The following B3GAT2 variants were observed in gnomAD, a reference collection of about 807,000 sequenced individuals.
B3GAT2 encodes beta-1,3-glucuronyltransferase 2.
B3GAT2 carries 26 observed loss-of-function variants against 27.8 expected under a neutral mutation model. That is an observed-to-expected ratio of 0.93 (90% CI 0.68 to 1.30). The LOEUF is 1.30. B3GAT2 is among the 50% of genes most tolerant of loss of function. The probability of loss-of-function intolerance (pLI) is 0.00; values close to 1 mark genes in which losing one functional copy is unlikely to be tolerated. For synonymous variants in B3GAT2, 218 were observed against 195.1 expected, an observed-to-expected ratio of 1.12 and a Z score of -0.98; for missense variants, 458 against 459.0, an observed-to-expected ratio of 1.00 and a Z score of 0.02.
At chr6:70,944,587 G>C (rs547651999) in intron 1 of B3GAT2, among the ~76,000 whole-genome samples, 7 of 152,044 alleles carry the variant, frequency 4.6e-5, no homozygotes, top group South Asian at 2.1e-4. Flanking sequence ...CTGGGTGGAG[G>C]CCACCACAGC....
At chr6:70,884,114 CAAAA>C (rs1020654387) in intron 2 of B3GAT2, among the ~76,000 whole-genome samples, 1 of 119,596 alleles carries the variant, frequency 8.4e-6, no homozygotes, top group Non-Finnish European at 1.7e-5. Flanking sequence ...AAAAAAAAAA[CAAAA>C]AAAACCCGCA....
chr6:70,866,160 G>C (rs1442673079), intron 2 of B3GAT2, among the ~76,000 whole-genome samples: 1 of 152,156 alleles, frequency 6.6e-6, no homozygotes, highest in Non-Finnish European at 1.5e-5. Context: ...TCAATTACTG[G>C]AGGGGACTAG....
intron 1 of B3GAT2, among the ~76,000 whole-genome samples, chr6:70,921,960 G>A (rs905163955): frequency 3.9e-5 from 6 of 152,134 alleles, no homozygotes; most frequent in Admixed American, 3.3e-4. Context: ...TTAGAAAGCT[G>A]CTGCACTCTG....
intron 1 of B3GAT2, among the ~76,000 whole-genome samples, chr6:70,938,055 T>C (rs1765325734): frequency 6.6e-6 from 1 of 150,762 alleles, no homozygotes; most frequent in Non-Finnish European, 1.5e-5. Context: ...TTCAGCAAAG[T>C]CTCAGGATAC....
intron 2 of B3GAT2, among the ~76,000 whole-genome samples, chr6:70,892,514 G>A (rs986648434): frequency 1.2e-4 from 19 of 152,192 alleles, no homozygotes; most frequent in Non-Finnish European, 1.9e-4. Context: ...AAGGCTCTGG[G>A]AAAATCTGAA....
intron 1 of B3GAT2, among the ~76,000 whole-genome samples, chr6:70,943,918 T>G (rs1166232835): frequency 6.6e-6 from 1 of 152,164 alleles, no homozygotes; most frequent in African/African-American, 2.4e-5. Flanking sequence ...AACAATGTAT[T>G]GTACACCTGC....
At chr6:70,888,677 C>A (rs1772232169) in intron 2 of B3GAT2, among the ~76,000 whole-genome samples, 1 of 152,178 alleles carries the variant, frequency 6.6e-6, no homozygotes, top group African/African-American at 2.4e-5. Context: ...AAATGTCAGA[C>A]TCTCCAATGT....
intron 1 of B3GAT2, among the ~76,000 whole-genome samples, chr6:70,926,547 G>C (rs1772962482): frequency 6.6e-6 from 1 of 152,180 alleles, no homozygotes; most frequent in Non-Finnish European, 1.5e-5. Context: ...TTCAGTAGCT[G>C]ACTCGATCAA....
At chr6:70,926,279 C>T (rs574452560) in intron 1 of B3GAT2, among the ~76,000 whole-genome samples, 37 of 152,298 alleles carry the variant, frequency 2.4e-4, no homozygotes, top group African/African-American at 7.5e-4. Context: ...TCCAAAGGAT[C>T]GCAGCTCCTC....
At chr6:70,913,453 T>C (rs750792621) in intron 1 of B3GAT2, among the ~76,000 whole-genome samples, 53 of 152,248 alleles carry the variant, frequency 3.5e-4, no homozygotes, top group Non-Finnish European at 8.8e-5. Context: ...CTTAATTTCA[T>C]TGTTTACCCA....
chr6:70,955,795 C>T (rs1765644407), intron 1 of B3GAT2, 44 bp downstream of exon 1: 1 of 1,511,750 alleles, frequency 6.6e-7, no homozygotes, highest in Non-Finnish European at 8.8e-7. Flanking sequence ...GCCCGGAGGC[C>T]CACTCCCGCC....
At chr6:70,923,632 C>A (rs540414919) in intron 1 of B3GAT2, among the ~76,000 whole-genome samples, 3 of 152,114 alleles carry the variant, frequency 2.0e-5, no homozygotes, top group Non-Finnish European at 2.9e-5. Context: ...CCACTGTACT[C>A]CAATCTGGGC....
chr6:70,866,201 C>T (rs1771848381), intron 2 of B3GAT2, among the ~76,000 whole-genome samples: 1 of 152,150 alleles, frequency 6.6e-6, no homozygotes, highest in South Asian at 2.1e-4. Flanking sequence ...AGTGGAGCTA[C>T]CTAGTAACAG....
At chr6:70,861,780 C>T in intron 3 of B3GAT2, 31 bp from the exon 4 acceptor site, 1 of 1,614,036 alleles carries the variant, frequency 6.2e-7, no homozygotes, top group East Asian at 2.2e-5. Flanking sequence ...TTGGGTAGCG[C>T]ACTCTTCATG....
chr6:70,940,694 G>A (rs1206171724), intron 1 of B3GAT2, among the ~76,000 whole-genome samples: 1 of 152,074 alleles, frequency 6.6e-6, no homozygotes, highest in African/African-American at 2.4e-5. Flanking sequence ...TTGGGAAACC[G>A]AGGTGGGTGC....
intron 1 of B3GAT2, among the ~76,000 whole-genome samples, chr6:70,937,985 A>G (rs1319103674): frequency 2.0e-5 from 3 of 151,538 alleles, no homozygotes; most frequent in East Asian, 1.9e-4. Context: ...AGACGACATG[A>G]TTGTATATCT....
chr6:70,937,258 CA>C (rs1366259687), intron 1 of B3GAT2, among the ~76,000 whole-genome samples: 6 of 151,300 alleles, frequency 4.0e-5, no homozygotes, highest in Non-Finnish European at 7.4e-5. Flanking sequence ...TGGCAATAAT[CA>C]ATAGCTTACC....
chr6:70,955,802 C>G, intron 1 of B3GAT2, 37 bp downstream of exon 1: 2 of 1,523,234 alleles, frequency 1.3e-6, no homozygotes, highest in Non-Finnish European at 1.8e-6. Context: ...GGCCCACTCC[C>G]GCCCTCGCCC....
intron 2 of B3GAT2, among the ~76,000 whole-genome samples, chr6:70,880,722 G>C (rs936722755): frequency 5.9e-5 from 9 of 151,716 alleles, no homozygotes; most frequent in Non-Finnish European, 1.3e-4. Flanking sequence ...CTGGAGTGCA[G>C]TGGGATGATC....
Sources: allele counts gnomAD v4.1 joint callset (sites outside exome capture counted in the v4.1 genomes callset), GRCh38; gene constraint gnomAD v4.1.1; transcripts MANE v1.5; gene names NCBI Gene and HGNC (gene_info 2026-07-23, HGNC 2026-07-21).